The following MRPS30 variants were observed in gnomAD, a reference collection of about 807,000 sequenced individuals.
The protein encoded by MRPS30 is mitochondrial ribosomal protein S30, also known as large ribosomal subunit protein mL65.
MRPS30 carries 42 observed loss-of-function variants against 43.8 expected under a neutral mutation model. The observed-to-expected ratio is 0.96, with a 90% CI of 0.75 to 1.24. The LOEUF is 1.24. Among genes scored for constraint, MRPS30 ranks in the 50% most tolerant of loss-of-function variants. MRPS30 has a pLI of 0.00. For synonymous variants in MRPS30, 273 were observed against 228.2 expected (o/e 1.20, Z -1.77); for missense variants, 638 against 570.0 (o/e 1.12, Z -1.22).
At chr5:44,810,924 T>C in intron 1 of MRPS30, 85 bp from the exon 2 acceptor site, 1 of 1,190,542 alleles carries the variant, frequency 8.4e-7, no homozygotes, top group Non-Finnish European at 1.2e-6. Flanking sequence ...TATCATTTGC[T>C]AAGTTAGTAC....
rs746518711 is a variant in MRPS30, at chr5:44,808,960, A to G, written c.-3A>G. ...ACCTCTGGGTCCGGAATCGCGGGCA[A>G]AGATGGCGGCGGCCAGGTGTTGGAG... On this transcript the variant is annotated 5_prime_UTR_variant, in exon 1 of 5. Coordinates refer to ENST00000507110, the MANE Select transcript of MRPS30 (RefSeq NM_016640.4). The G allele has an allele frequency of 1.3e-6, 2 of 1,589,612 alleles. No homozygotes were observed. The highest frequency in any genetic ancestry group is 2.2e-5 in the East Asian group (1 of 44,656).
At chr5:44,809,618 T>A in intron 1 of MRPS30, 55 bp downstream of exon 1, 1 of 1,473,862 alleles carries the variant, frequency 6.8e-7, no homozygotes, top group Non-Finnish European at 9.1e-7. Flanking sequence ...TTGTACTGGG[T>A]TACTCTGCCG....
intron 3 of MRPS30, among the ~76,000 whole-genome samples, chr5:44,812,850 A>G (rs999515091): frequency 2.0e-5 from 3 of 152,128 alleles, no homozygotes; most frequent in African/African-American, 4.8e-5. Flanking sequence ...TAACTTGTCT[A>G]TATATTCTTT....
intron 3 of MRPS30, among the ~76,000 whole-genome samples, chr5:44,812,400 C>T (rs1742858452): frequency 6.6e-6 from 1 of 152,078 alleles, no homozygotes; most frequent in African/African-American, 2.4e-5. Context: ...AAGGAATTCA[C>T]AAATTCATAA....
intron 2 of MRPS30, 115 bp downstream of exon 2, chr5:44,811,269 A>T: frequency 7.9e-7 from 1 of 1,273,422 alleles, no homozygotes; most frequent in South Asian, 1.6e-5. Context: ...CTTGCCTTTC[A>T]AGTTTCCTTT....
At chr5:44,814,095 C>A (rs1298525969) in intron 4 of MRPS30, among the ~76,000 whole-genome samples, 1 of 152,024 alleles carries the variant, frequency 6.6e-6, no homozygotes, top group African/African-American at 2.4e-5. Context: ...TTAGGAACAA[C>A]ATGAAGGGTA....
rs1742899228 is a variant in MRPS30, at chr5:44,815,131, G to A, written c.1249G>A (p.Val417Ile). ...TGATGTGAAAGGTTTTAATGATGAT[G>A]TTCTACTTCAGATAGTTCACTTTCT... The part of the protein sequence containing the change: ...DNDVKGFNDD[V>I]LLQIVHFLLN... Residue 417 changes from valine to isoleucine, a missense_variant, in exon 5 of 5, where the codon GTT (valine) becomes ATT (isoleucine). Coordinates refer to ENST00000507110, the MANE Select transcript of MRPS30 (RefSeq NM_016640.4). The A allele has an allele frequency of 6.2e-7, 1 of 1,612,844 alleles. No individual in the cohort carries two copies. The highest frequency in any genetic ancestry group is 8.5e-7 in the Non-Finnish European group (1 of 1,179,352).
In MRPS30 at chr5:44,811,912, A is replaced by G; in HGVS notation, c.748-3A>G. 6.7e-7 allele frequency: 1 copy of G among 1,502,438 alleles called. No individual in the cohort carries two copies. The highest frequency in any genetic ancestry group is 9.0e-7 in the Non-Finnish European group (1 of 1,111,234). The allele number at this position is 1,502,438 out of a possible 1,614,324, so 93.1% of individuals were successfully genotyped here. ...TTTAGTATGTCTTTTCTTTTTCTTT[A>G]AGTTTGTGCCATTGGATTATTCTGT... On this transcript the variant is annotated splice_region_variant and splice_polypyrimidine_tract_variant and intron_variant, in intron 2 of 4. Coordinates refer to ENST00000507110, the MANE Select transcript of MRPS30 (RefSeq NM_016640.4).
At chr5:44,811,647 G>T (rs1039087769) in intron 2 of MRPS30, among the ~76,000 whole-genome samples, 3 of 152,196 alleles carry the variant, frequency 2.0e-5, no homozygotes, top group Admixed American at 6.5e-5. Context: ...TGTACAGGCC[G>T]TAAGTCTCTG....
At chr5:44,813,423 G>A in intron 4 of MRPS30, 141 bp downstream of exon 4, 1 of 672,694 alleles carries the variant, frequency 1.5e-6, no homozygotes, top group South Asian at 2.6e-5. Flanking sequence ...AAGTACAGTT[G>A]TTTTAAAATC....
chr5:44,814,868 A>G (rs1742893577), intron 4 of MRPS30, 45 bp from the exon 5 acceptor site: 2 of 1,510,640 alleles, frequency 1.3e-6, no homozygotes, highest in Middle Eastern at 1.8e-4. Context: ...TTGTTTGGGT[A>G]AGATATATTC....
chr5:44,812,958 A>G (rs1742866480), intron 3 of MRPS30, 148 bp from the exon 4 acceptor site: 3 of 640,132 alleles, frequency 4.7e-6, no homozygotes, highest in African/African-American at 1.9e-5. Flanking sequence ...CATAAGATAT[A>G]TAAGTAAACT....
At position 44,815,240 on chromosome 5, in the gene MRPS30, A is replaced by G; in HGVS notation, c.*38A>G. The G allele has an allele frequency of 6.7e-7, 1 of 1,486,290 alleles. No individual in the cohort carries two copies. The highest frequency in any genetic ancestry group is 9.0e-7 in the Non-Finnish European group (1 of 1,113,832). The allele number at this position is 1,486,290 out of a possible 1,614,324, so 92.1% of individuals were successfully genotyped here. A position where few individuals can be genotyped will look rare whatever the true frequency, so the allele number is the denominator to read the frequency against. On this transcript the variant is annotated 3_prime_UTR_variant, in exon 5 of 5. Transcript: ENST00000507110. The stretch of plus-strand genomic sequence containing the variant: ...GATTGAGAACTGTGGGAATATTTAA[A>G]TTTTACTGAAGGAACAATAATGATG...
rs146164829 is a variant in MRPS30 at position 44,815,094 on chromosome 5, A to G, written c.1212A>G (p.Thr404=). The part of the protein sequence containing the change: ...WGTQSKPLYE[T]IEDNDVKGFN... ...CACAAAGTAAGCCTCTTTATGAAAC[A>G]ATTGAGGATAATGATGTGAAAGGTT... The change falls in exon 5 of 5, where the codon ACA becomes ACG. Residue 404 remains threonine, a synonymous_variant. Coordinates refer to ENST00000507110, the MANE Select transcript of MRPS30 (RefSeq NM_016640.4). The G allele has an allele frequency of 4.8e-5, 77 of 1,612,432 alleles. 1 individual carries two copies. The Admixed American group carries it at 1.2e-3, about 24-fold the overall frequency.
intron 1 of MRPS30, among the ~76,000 whole-genome samples, chr5:44,810,796 T>C (rs1742827802): frequency 6.6e-6 from 1 of 152,250 alleles, no homozygotes; most frequent in Admixed American, 6.5e-5. Context: ...GGAATCTCTT[T>C]GGTTACTGTT....
chr5:44,815,040 T>C lies in MRPS30; in HGVS notation c.1158T>C (p.Asn386=), dbSNP rs765441424. The change falls in exon 5 of 5, where the codon AAT becomes AAC. Residue 386 remains asparagine, a synonymous_variant. Coordinates refer to ENST00000507110, the MANE Select transcript of MRPS30 (RefSeq NM_016640.4). ...TLALTTQADQ[N]NPRKNICWGT... ...CACTGACTACACAAGCTGATCAAAATAACCCTCGTAAAAATATATGTTGGG... is the reference window on the plus strand; with the variant it reads ...CACTGACTACACAAGCTGATCAAAACAACCCTCGTAAAAATATATGTTGGG... 6.2e-7 allele frequency: 1 copy of C among 1,613,890 alleles called. No individual in the cohort carries two copies. Among genetic ancestry groups the C allele is most frequent in the South Asian group, 1.1e-5 (1 of 91,076 alleles).
chr5:44,810,487 G>C (rs897953225), intron 1 of MRPS30, among the ~76,000 whole-genome samples: 1 of 152,190 alleles, frequency 6.6e-6, no homozygotes, highest in Non-Finnish European at 1.5e-5. Flanking sequence ...TGTTAGGACT[G>C]TAGATGTGTG....
Position 44,810,987 on chromosome 5 carries a change from A to T in MRPS30, c.602-22A>T, listed in dbSNP as rs569752533. The T allele has an allele frequency of 5.5e-5, 89 of 1,606,660 alleles. No individual in the cohort carries two copies. In the South Asian group the frequency reaches 9.1e-4, roughly 16 times the overall value. On this transcript the variant is annotated intron_variant, in intron 1 of 4. Coordinates refer to ENST00000507110, the MANE Select transcript of MRPS30 (RefSeq NM_016640.4). ...TTATTTAGATGATCAGATGAAAAAA[A>T]TTTTGAATATCTTTTTGATAGATTA...
rs1742790991 is a variant in MRPS30 at position 44,809,516 on chromosome 5, T to C, written c.554T>C (p.Val185Ala). The C allele has an allele frequency of 6.2e-7, 1 of 1,611,932 alleles. No individual in the cohort carries two copies. Among genetic ancestry groups the C allele is most frequent in the Non-Finnish European group, 8.5e-7 (1 of 1,179,134 alleles). The change falls in exon 1 of 5, where the codon GTG becomes GCG. Residue 185 changes from valine (V) to alanine (A), a missense_variant. By Grantham distance (64) the Val-to-Ala change is moderately conservative. Transcript: ENST00000507110. The part of the protein sequence containing the change: ...PFLDQLVSTL[V>A]GLLSPHNPAL... ...CTGGATCAGCTGGTGTCAACCCTCG[T>C]GGGCCTCCTCAGCCCACACAACCCG...
Sources: allele counts gnomAD v4.1 joint callset (sites outside exome capture counted in the v4.1 genomes callset), GRCh38; gene constraint gnomAD v4.1.1; transcripts MANE v1.5; gene names NCBI Gene and HGNC (gene_info 2026-07-23, HGNC 2026-07-21).